Variants in BLM observed in about 807,000 individuals in gnomAD.
The protein encoded by BLM is recQ-like DNA helicase BLM.
Under a neutral mutation model 135.3 loss-of-function variants are expected in BLM, and 95 were observed. The observed-to-expected ratio is 0.70, with a 90% confidence interval of 0.59 to 0.83. The LOEUF (loss-of-function observed/expected upper bound fraction) is 0.83, where lower values mean the gene tolerates loss of function less well. BLM is among the 40% of genes least tolerant of loss of function. BLM has a pLI of 0.00. For missense variants in BLM, 1,518 were observed against 1,663.9 expected (o/e 0.91, Z 1.53); for synonymous variants, 520 against 589.2 (o/e 0.88, Z 1.70).
chr15:90,802,751 T>C (rs556169456), intron 17 of BLM, among the ~76,000 whole-genome samples: 17 of 152,108 alleles, frequency 1.1e-4, no homozygotes, highest in Non-Finnish European at 2.2e-4. Flanking sequence ...GAGACCAGCC[T>C]GAGCAATGTA....
intron 10 of BLM, among the ~76,000 whole-genome samples, chr15:90,767,700 C>G (rs1896172894): frequency 6.6e-6 from 1 of 152,126 alleles, no homozygotes; most frequent in Non-Finnish European, 1.5e-5. Context: ...ATGGTAGTGT[C>G]TGATAGACTT....
intron 16 of BLM, among the ~76,000 whole-genome samples, chr15:90,794,747 A>G (rs1250653322): frequency 1.3e-5 from 2 of 149,042 alleles, no homozygotes; most frequent in Non-Finnish European, 3.0e-5. Context: ...TTAATTGATT[A>G]AATTAAATAT....
intron 12 of BLM, among the ~76,000 whole-genome samples, chr15:90,775,606 A>C (rs1227115194): frequency 2.0e-5 from 3 of 151,502 alleles, no homozygotes; most frequent in African/African-American, 7.3e-5. Context: ...CCACCTCCCG[A>C]GTTCAAGTGA....
At chr15:90,799,415 T>A (rs1479916059) in intron 17 of BLM, among the ~76,000 whole-genome samples, 3 of 151,482 alleles carry the variant, frequency 2.0e-5, no homozygotes, top group African/African-American at 7.3e-5. Flanking sequence ...GAAAATAAAG[T>A]CAAGAAAATT....
intron 16 of BLM, among the ~76,000 whole-genome samples, chr15:90,796,782 T>C (rs1474899229): frequency 1.3e-5 from 2 of 152,094 alleles, no homozygotes; most frequent in African/African-American, 4.8e-5. Flanking sequence ...TGCCAGGTAA[T>C]ATGTTGAAGT....
At chr15:90,775,483 A>C (rs546488137) in intron 12 of BLM, among the ~76,000 whole-genome samples, 1 of 148,190 alleles carries the variant, frequency 6.7e-6, no homozygotes, top group African/African-American at 2.5e-5. Context: ...TTTTATATAT[A>C]TGTGTGTTTT....
At chr15:90,744,499 A>G (rs1158744755) in intron 1 of BLM, among the ~76,000 whole-genome samples, 1 of 152,056 alleles carries the variant, frequency 6.6e-6, no homozygotes, top group African/African-American at 2.4e-5. Flanking sequence ...CAGCTTCCCA[A>G]GTAACTGGGA....
intron 1 of BLM, among the ~76,000 whole-genome samples, chr15:90,732,723 G>A (rs940089263): frequency 1.8e-4 from 28 of 151,864 alleles, no homozygotes; most frequent in Non-Finnish European, 7.4e-5. Context: ...CAAGTAAATC[G>A]AAAGCACAAG....
At chr15:90,794,672 G>A (rs938598237) in intron 16 of BLM, among the ~76,000 whole-genome samples, 2 of 149,442 alleles carry the variant, frequency 1.3e-5, no homozygotes, top group Admixed American at 1.3e-4. Context: ...GATCCAACAT[G>A]GGCAGGTAGA....
chr15:90,797,242 C>T (rs112045165), intron 16 of BLM, among the ~76,000 whole-genome samples: 24,976 of 151,522 alleles, frequency 0.16, 2,122 homozygotes, highest in Non-Finnish European at 0.19. Flanking sequence ...GGTGAAACCC[C>T]ATCTCTACTA....
chr15:90,806,690 C>T (rs1441680955), intron 19 of BLM, among the ~76,000 whole-genome samples: 1 of 152,128 alleles, frequency 6.6e-6, no homozygotes, highest in African/African-American at 2.4e-5. Flanking sequence ...AGTAGAGTTC[C>T]TGGAAAACAA....
At chr15:90,769,054 G>C in intron 10 of BLM, 79 bp from the exon 11 acceptor site, 1 of 1,214,298 alleles carries the variant, frequency 8.2e-7, no homozygotes, top group Middle Eastern at 1.9e-4. Flanking sequence ...AGCTTAAGTT[G>C]TGATGGAATT....
intron 1 of BLM, among the ~76,000 whole-genome samples, chr15:90,728,189 A>C (rs1158193917): frequency 6.6e-6 from 1 of 152,064 alleles, no homozygotes; most frequent in East Asian, 1.9e-4. Flanking sequence ...GGCACATGCC[A>C]CCATGACCAA....
At chr15:90,787,310 C>T (rs923625509) in intron 14 of BLM, among the ~76,000 whole-genome samples, 3 of 151,954 alleles carry the variant, frequency 2.0e-5, no homozygotes, top group African/African-American at 4.8e-5. Flanking sequence ...GCCTCGGCCT[C>T]CCAAAATGCT....
At chr15:90,742,052 G>A (rs1596210837) in intron 1 of BLM, among the ~76,000 whole-genome samples, 1 of 152,128 alleles carries the variant, frequency 6.6e-6, no homozygotes. Flanking sequence ...AACCATGAAC[G>A]AAGAGAACAT....
Position 90,794,191 on chromosome 15 carries a change from C to T in BLM, c.3044C>T (p.Thr1015Ile), listed in dbSNP as rs202196488. 1.9e-4 allele frequency: 299 copies of T among 1,604,530 alleles called. No homozygotes were observed. The highest frequency in any genetic ancestry group is 2.4e-4 in the Non-Finnish European group (282 of 1,174,076). ...GTGGAAAAAGATGGAAACCATCATA[C>T]AAGAGAAACTCACTTCAATAATTTG... is the stretch of plus-strand genomic sequence containing the variant. ...IMMEKDGNHH[T>I]RETHFNNLYS... The change falls in exon 16 of 22, where the codon ACA (threonine) becomes ATA (isoleucine). Residue 1015 changes from threonine (T) to isoleucine (I), a missense_variant. By Grantham distance (89) the Thr-to-Ile change is moderately conservative. Transcript: ENST00000355112.
At chr15:90,726,283 T>C (rs1596197479) in intron 1 of BLM, among the ~76,000 whole-genome samples, 1 of 152,212 alleles carries the variant, frequency 6.6e-6, no homozygotes, top group East Asian at 1.9e-4. Context: ...CTTTCCTTTT[T>C]TTGAGATGAA....
At chr15:90,790,865 G>A (rs894134898) in intron 15 of BLM, 21 bp downstream of exon 15, 2 of 1,600,882 alleles carry the variant, frequency 1.2e-6, no homozygotes, top group Middle Eastern at 1.7e-4. Context: ...CTCCATTGTA[G>A]AGACATTCTG....
chr15:90,741,558 A>G (rs1895364557), intron 1 of BLM, among the ~76,000 whole-genome samples: 1 of 152,036 alleles, frequency 6.6e-6, no homozygotes, highest in Non-Finnish European at 1.5e-5. Flanking sequence ...CTAACTTCTC[A>G]TATTTTCCAT....
Sources: allele counts gnomAD v4.1 joint callset (sites outside exome capture counted in the v4.1 genomes callset), GRCh38; gene constraint gnomAD v4.1.1; transcripts MANE v1.5; gene names NCBI Gene and HGNC (gene_info 2026-07-23, HGNC 2026-07-21).